Variants in FLT3 observed in about 807,000 individuals in gnomAD.
FLT3 encodes the protein fms related receptor tyrosine kinase 3, also known as receptor-type tyrosine-protein kinase FLT3.
FLT3 carries 46 observed loss-of-function variants against 126.6 expected under a neutral mutation model. The observed-to-expected ratio is 0.36, with a 90% CI of 0.29 to 0.46. FLT3 has a LOEUF of 0.46. Among genes scored for constraint, FLT3 ranks in the 20% least tolerant of loss-of-function variants. FLT3 has a pLI of 1.00. For synonymous variants in FLT3, 404 were observed against 434.4 expected (o/e 0.93, Z 0.87); for missense variants, 1,069 against 1,190.3 (o/e 0.90, Z 1.50).
At chr13:28,029,568 A>G (rs2137659658) in intron 15 of FLT3, among the ~76,000 whole-genome samples, 1 of 152,328 alleles carries the variant, frequency 6.6e-6, no homozygotes, top group South Asian at 2.1e-4. Flanking sequence ...ACAAGTTAAC[A>G]GAAGGGAGAA....
chr13:28,063,231 C>A (rs988370891), intron 2 of FLT3, among the ~76,000 whole-genome samples: 3 of 152,150 alleles, frequency 2.0e-5, no homozygotes, highest in Admixed American at 2.0e-4. Context: ...GTAATTCCAG[C>A]ACTTTGGGAG....
At position 28,057,385 on chromosome 13, in the gene FLT3, G is replaced by T. The variant is rs1030871357; in HGVS notation, c.446C>A (p.Ala149Asp). ...TGTAAACAATATTGTGTAATTGGTA[G>T]CTTCACTCTGAATAAAAAGTAGGTA... ...GEYLLFIQSE[A>D]TNYTILFTVS... The change falls in exon 4 of 24, where the codon GCT becomes GAT. Residue 149 changes from alanine to aspartate, a missense_variant. By Grantham distance (126) the Ala-to-Asp change is moderately radical. Coordinates refer to ENST00000241453, the MANE Select transcript of FLT3 (RefSeq NM_004119.3). 3 of 1,565,438 alleles carry T rather than the reference G, an allele frequency of 1.9e-6. No individual in the cohort carries two copies. Among genetic ancestry groups the T allele is most frequent in the Admixed American group, 3.3e-5 (2 of 59,920 alleles).
chr13:28,011,427 G>A (rs932736115), intron 23 of FLT3, among the ~76,000 whole-genome samples: 2 of 152,022 alleles, frequency 1.3e-5, no homozygotes, highest in African/African-American at 4.8e-5. Flanking sequence ...AAGGTGACAA[G>A]GCCAGTTTTC....
chr13:28,076,782 C>T (rs1205450724), intron 1 of FLT3, among the ~76,000 whole-genome samples: 1 of 152,060 alleles, frequency 6.6e-6, no homozygotes, highest in East Asian at 1.9e-4. Flanking sequence ...ACAAAATTAG[C>T]CAGGTGTGGT....
chr13:28,081,807 TTTTACTTTGA>T (rs1878331393), intron 1 of FLT3, among the ~76,000 whole-genome samples: 1 of 151,122 alleles, frequency 6.6e-6, no homozygotes, highest in Admixed American at 6.6e-5. Context: ...TTATTATAAT[TTTTACTTTGA>T]TTTACTTTGA....
chr13:28,064,754 C>T (rs989406488), intron 2 of FLT3, among the ~76,000 whole-genome samples: 2 of 152,144 alleles, frequency 1.3e-5, no homozygotes, highest in Non-Finnish European at 2.9e-5. Context: ...TTTTCTCCTG[C>T]ATTGCTGGGG....
At chr13:28,060,541 C>G (rs1213373629) in intron 3 of FLT3, among the ~76,000 whole-genome samples, 1 of 150,810 alleles carries the variant, frequency 6.6e-6, no homozygotes, top group Non-Finnish European at 1.5e-5. Context: ...TTGCCAGCCA[C>G]TCACTGCTTT....
chr13:28,091,360 T>C (rs1004343932), intron 1 of FLT3, among the ~76,000 whole-genome samples: 2 of 149,582 alleles, frequency 1.3e-5, no homozygotes, highest in East Asian at 2.0e-4. Context: ...TAGCTGGGAC[T>C]ACAGGCGCCC....
intron 9 of FLT3, 31 bp from the exon 10 acceptor site, chr13:28,037,319 G>A (rs1442208682): frequency 3.0e-6 from 4 of 1,332,870 alleles, no homozygotes; most frequent in Non-Finnish European, 4.3e-6. Flanking sequence ...GACAGATTTA[G>A]CCCAATTGCT....
At chr13:28,016,276 C>CT (rs5802457) in intron 20 of FLT3, among the ~76,000 whole-genome samples, 45 of 148,868 alleles carry the variant, frequency 3.0e-4, no homozygotes, top group South Asian at 1.5e-3. Context: ...TTTTCTTTCT[C>CT]TTTTTTTTTT....
intron 9 of FLT3, among the ~76,000 whole-genome samples, chr13:28,044,449 CAA>C (rs34061361): frequency 1.1e-3 from 147 of 129,048 alleles, no homozygotes; most frequent in Admixed American, 1.2e-3. Flanking sequence ...GACTCTGTCT[CAA>C]AAAAAAAAAA....
At chr13:28,035,892 T>G in intron 11 of FLT3, 43 bp downstream of exon 11, 1 of 1,462,234 alleles carries the variant, frequency 6.8e-7, no homozygotes, top group Non-Finnish European at 9.6e-7. Flanking sequence ...GGTCAGAGAG[T>G]TTTATGTTCT....
intron 9 of FLT3, among the ~76,000 whole-genome samples, chr13:28,044,833 G>A (rs755795737): frequency 2.4e-4 from 36 of 152,144 alleles, no homozygotes; most frequent in Non-Finnish European, 4.7e-4. Context: ...GGATGCTGTC[G>A]ACTCATCTTT....
At position 28,062,688 on chromosome 13, in the gene FLT3, G is replaced by A. The variant is rs190487309; in HGVS notation, c.166-619C>T. Among the ~76,000 whole-genome samples the A allele has an allele frequency of 7.7e-3, 1,135 of 146,948 alleles. 6 individuals carry two copies. Among genetic ancestry groups the A allele is most frequent in the Non-Finnish European group, 0.013 (852 of 67,368 alleles). On this transcript the variant is annotated intron_variant, in intron 2 of 23. Coordinates refer to ENST00000241453, the MANE Select transcript of FLT3 (RefSeq NM_004119.3). Reference sequence around the variant, plus strand: ...GAACATGGGAGGCAGCGGTTGCAGCGAGCTGAGATCGCGCCACTGCACTCC... The same window carrying A: ...GAACATGGGAGGCAGCGGTTGCAGCAAGCTGAGATCGCGCCACTGCACTCC...
At chr13:28,096,700 G>T (rs1171585833) in intron 1 of FLT3, among the ~76,000 whole-genome samples, 1 of 152,076 alleles carries the variant, frequency 6.6e-6, no homozygotes, top group East Asian at 1.9e-4. Context: ...CCAAAGTGCT[G>T]GGATTACAGG....
rs375096744 is a variant in FLT3 at position 28,062,013 on chromosome 13, T to G, written c.222A>C (p.Thr74=). The change falls in exon 3 of 24, where the codon ACA becomes ACC. Residue 74 remains threonine (T), a synonymous_variant. Transcript: ENST00000241453. ...GCALRPQSSG[T]VYEAAAVEVD... ...CTTCCACAGCGGCAGCTTCGTACAC[T>G]GTCCCTGAGCTCTGGGGTCTCAACG... The G allele has an allele frequency of 3.0e-5, 49 of 1,613,132 alleles. No homozygotes were observed. Among genetic ancestry groups the G allele is most frequent in the African/African-American group, 8.0e-5 (6 of 74,904 alleles).
At chr13:28,085,627 G>A (rs1015815693) in intron 1 of FLT3, among the ~76,000 whole-genome samples, 5 of 151,928 alleles carry the variant, frequency 3.3e-5, no homozygotes, top group Non-Finnish European at 7.3e-5. Context: ...AGGTGCATAC[G>A]TTTAGGATTG....
At chr13:28,051,792 G>A (rs776121271) in intron 5 of FLT3, among the ~76,000 whole-genome samples, 16 of 142,314 alleles carry the variant, frequency 1.1e-4, no homozygotes, top group African/African-American at 2.9e-4. Flanking sequence ...GTGATCCGCC[G>A]GTCTTGGCCT....
rs1873805121 is a variant in FLT3, at chr13:28,035,990, C to T, written c.1363G>A (p.Asp455Asn). The change falls in exon 11 of 24, where the codon GAT (aspartate) becomes AAT (asparagine). Residue 455 changes from aspartate to asparagine, a missense_variant. By Grantham distance (23) the Asp-to-Asn change is conservative. Coordinates refer to ENST00000241453, the MANE Select transcript of FLT3 (RefSeq NM_004119.3). The part of the protein sequence containing the change: ...ASASQASCFS[D>N]GYPLPSWTWK... Reference sequence around the variant, plus strand: ...GTCCAAGATGGTAATGGGTATCCATCCGAGAAACAGGACGCCTGACTTGCC... The same window carrying T: ...GTCCAAGATGGTAATGGGTATCCATTCGAGAAACAGGACGCCTGACTTGCC... The T allele has an allele frequency of 6.2e-7, 1 of 1,614,054 alleles. No homozygotes were observed. Among genetic ancestry groups the T allele is most frequent in the Admixed American group, 1.7e-5 (1 of 59,986 alleles).
Sources: allele counts gnomAD v4.1 joint callset (sites outside exome capture counted in the v4.1 genomes callset), GRCh38; gene constraint gnomAD v4.1.1; transcripts MANE v1.5; gene names NCBI Gene and HGNC (gene_info 2026-07-23, HGNC 2026-07-21).